Variants in PSD3 observed in about 807,000 individuals in gnomAD.
PSD3 encodes the protein PH and SEC7 domain-containing protein 3.
In PSD3, 49 loss-of-function variants were observed where a neutral mutation model predicts 105.5. That is an observed-to-expected ratio of 0.46 (90% CI 0.37 to 0.59). The LOEUF (loss-of-function observed/expected upper bound fraction) is 0.59, where lower values mean the gene tolerates loss of function less well. Ranked by LOEUF, PSD3 falls within the 20% of genes least tolerant of loss-of-function variation. PSD3 has a pLI of 0.00. For missense variants in PSD3, 1,561 were observed against 1,263.8 expected (o/e 1.24, Z -3.57); for synonymous variants, 557 against 457.8 (o/e 1.22, Z -2.77).
intron 10 of PSD3, among the ~76,000 whole-genome samples, chr8:18,654,844 G>A (rs1808772059): frequency 1.3e-5 from 2 of 151,974 alleles, no homozygotes; most frequent in African/African-American, 4.8e-5. Context: ...TTGTTGTTTT[G>A]TGCTTAGTAT....
At chr8:18,586,668 C>T (rs951797219) in intron 12 of PSD3, among the ~76,000 whole-genome samples, 3 of 152,146 alleles carry the variant, frequency 2.0e-5, no homozygotes, top group Non-Finnish European at 4.4e-5. Flanking sequence ...ATTATGAATT[C>T]TTTCGAAGAC....
At chr8:18,713,069 T>C (rs541691223) in intron 9 of PSD3, among the ~76,000 whole-genome samples, 1 of 152,310 alleles carries the variant, frequency 6.6e-6, no homozygotes, top group South Asian at 2.1e-4. Context: ...AAAAGACCTT[T>C]GATAAAATTC....
intron 2 of PSD3, among the ~76,000 whole-genome samples, chr8:18,910,593 T>C (rs1278176860): frequency 8.8e-6 from 1 of 113,532 alleles, no homozygotes; most frequent in Non-Finnish European, 1.7e-5. Context: ...CATATGTAAC[T>C]AACCTGCACA....
At chr8:18,948,912 T>C (rs1205852518) in intron 1 of PSD3, among the ~76,000 whole-genome samples, 1 of 152,028 alleles carries the variant, frequency 6.6e-6, no homozygotes, top group Non-Finnish European at 1.5e-5. Flanking sequence ...CTAGTTCCCT[T>C]AACTTAAAAG....
intron 1 of PSD3, among the ~76,000 whole-genome samples, chr8:19,042,963 G>C (rs1003500434): frequency 6.6e-6 from 1 of 152,138 alleles, no homozygotes; most frequent in Non-Finnish European, 1.5e-5. Context: ...AATACGAATA[G>C]GCTGGAGGTA....
intron 8 of PSD3, among the ~76,000 whole-genome samples, chr8:18,778,366 T>C (rs1808291937): frequency 2.0e-5 from 3 of 152,308 alleles, no homozygotes; most frequent in Middle Eastern, 3.4e-3. Context: ...GAGTTTCAGG[T>C]AGAGTCTTTA....
intron 9 of PSD3, among the ~76,000 whole-genome samples, chr8:18,699,295 AT>A (rs1801438449): frequency 6.6e-6 from 1 of 152,192 alleles, no homozygotes; most frequent in Non-Finnish European, 1.5e-5. Flanking sequence ...AGGCTGCTGT[AT>A]TTTTGCAAAA....
chr8:18,739,433 G>C (rs974991918), intron 9 of PSD3, among the ~76,000 whole-genome samples: 1 of 152,172 alleles, frequency 6.6e-6, no homozygotes, highest in Non-Finnish European at 1.5e-5. Context: ...CAGTGCCTTT[G>C]TCTGGACTCT....
chr8:18,706,119 G>C (rs1426562121), intron 9 of PSD3, among the ~76,000 whole-genome samples: 2 of 152,120 alleles, frequency 1.3e-5, no homozygotes, highest in African/African-American at 4.8e-5. Context: ...GCTTGTCACT[G>C]AGCAACTGTT....
chr8:18,799,097 T>A, intron 8 of PSD3, 198 bp downstream of exon 8: 5 of 527,382 alleles, frequency 9.5e-6, no homozygotes, highest in Non-Finnish European at 1.7e-5. Flanking sequence ...ACCAGGACGA[T>A]GGATTTAAAG....
At chr8:18,927,333 C>A in intron 2 of PSD3, among the ~76,000 whole-genome samples, 1 of 152,146 alleles carries the variant, frequency 6.6e-6, no homozygotes, top group Admixed American at 6.5e-5. Context: ...CCTGCCTCAG[C>A]CTCCCGAGTA....
intron 1 of PSD3, among the ~76,000 whole-genome samples, chr8:19,064,032 T>A (rs1828990779): frequency 6.6e-6 from 1 of 151,888 alleles, no homozygotes; most frequent in African/African-American, 2.4e-5. Context: ...TCCCAGCTAC[T>A]CCGGAGACTG....
intron 3 of PSD3, among the ~76,000 whole-genome samples, chr8:18,870,188 C>T (rs193024080): frequency 2.6e-5 from 4 of 151,744 alleles, no homozygotes; most frequent in Admixed American, 6.6e-5. Context: ...TTCCTTACAC[C>T]GAACAAAAAA....
intron 12 of PSD3, 91 bp from the exon 13 acceptor site, chr8:18,575,376 A>G: frequency 8.1e-7 from 1 of 1,229,328 alleles, no homozygotes; most frequent in Non-Finnish European, 1.1e-6. Flanking sequence ...AATAGTTTTT[A>G]GGAAATCCAA....
chr8:19,070,502 G>A (rs979131351), intron 1 of PSD3, among the ~76,000 whole-genome samples: 3 of 151,724 alleles, frequency 2.0e-5, no homozygotes, highest in Non-Finnish European at 2.9e-5. Flanking sequence ...ATGGTGAAAC[G>A]CTATCTCTAC....
chr8:18,715,710 G>T (rs2129424042), intron 9 of PSD3, among the ~76,000 whole-genome samples: 1 of 152,202 alleles, frequency 6.6e-6, no homozygotes, highest in South Asian at 2.1e-4. Context: ...TGCTGCTCTA[G>T]AACCCATGGC....
intron 1 of PSD3, among the ~76,000 whole-genome samples, chr8:19,019,718 G>A (rs1017261641): frequency 9.9e-5 from 15 of 152,152 alleles, no homozygotes; most frequent in Non-Finnish European, 2.2e-4. Flanking sequence ...TGATATGCTT[G>A]GATTTCAAAA....
chr8:18,873,887 A>G (rs1056267525), intron 2 of PSD3, among the ~76,000 whole-genome samples: 6 of 152,242 alleles, frequency 3.9e-5, no homozygotes, highest in African/African-American at 1.2e-4. Flanking sequence ...GTATTAGTAT[A>G]TATTCACTAT....
intron 10 of PSD3, among the ~76,000 whole-genome samples, chr8:18,636,432 A>T (rs1248024523): frequency 6.6e-6 from 1 of 152,216 alleles, no homozygotes; most frequent in African/African-American, 2.4e-5. Flanking sequence ...TTATGAAGTA[A>T]AAAAGTTACA....
Sources: gnomAD v4.1 joint callset for allele counts (sites outside exome capture counted in the v4.1 genomes callset) on GRCh38, gnomAD v4.1.1 for gene constraint, MANE v1.5 for transcripts, NCBI Gene and HGNC (gene_info 2026-07-23, HGNC 2026-07-21) for gene names.